Variants in MAST4 observed in about 807,000 individuals in gnomAD.
MAST4 encodes the protein microtubule-associated serine/threonine-protein kinase 4.
In MAST4, 89 loss-of-function variants were observed where a neutral mutation model predicts 162.7. The observed-to-expected ratio is 0.55, with a 90% CI of 0.46 to 0.65. MAST4 has a LOEUF of 0.65. MAST4 is among the 30% of genes least tolerant of loss of function. The pLI, the probability that MAST4 is intolerant of heterozygous loss-of-function variation, is 0.00. For missense variants in MAST4, 3,153 were observed against 3,374.0 expected (o/e 0.93, Z 1.62); for synonymous variants, 1,479 against 1,361.1 (o/e 1.09, Z -1.91).
chr5:67,166,366 G>A lies in MAST4; in HGVS notation c.7187G>A (p.Ser2396Asn), dbSNP rs1773971378. ...KLEAGLSFVH[S>N]ENRLKGAERP... ...GAGGCCGGCCTTTCCTTTGTGCATA[G>A]CGAGAACCGGTTGAAAGGCGCGGAG... The change falls in exon 29 of 29, where the codon AGC (serine) becomes AAC (asparagine). Residue 2396 changes from serine (S) to asparagine (N), a missense_variant. Transcript: ENST00000403625. 6.2e-7 allele frequency: 1 copy of A among 1,611,244 alleles called. No homozygotes were observed. The highest frequency in any genetic ancestry group is 8.5e-7 in the Non-Finnish European group (1 of 1,178,676).
At chr5:66,628,892 C>T (rs894638940) in intron 1 of MAST4, among the ~76,000 whole-genome samples, 1 of 152,116 alleles carries the variant, frequency 6.6e-6, no homozygotes, top group African/African-American at 2.4e-5. Flanking sequence ...GAATAGTGAA[C>T]ATACAGTGTC....
intron 4 of MAST4, among the ~76,000 whole-genome samples, chr5:66,918,308 G>A (rs1003432750): frequency 6.6e-6 from 1 of 152,126 alleles, no homozygotes; most frequent in African/African-American, 2.4e-5. Context: ...TTGTAAATAT[G>A]ATGTGAACAA....
intron 1 of MAST4, among the ~76,000 whole-genome samples, chr5:66,715,526 G>A (rs188038001): frequency 7.6e-6 from 1 of 132,162 alleles, no homozygotes; most frequent in Admixed American, 7.8e-5. Flanking sequence ...GTTGTGGGGT[G>A]GGGGGAGGGG....
At position 67,102,565 on chromosome 5, in the gene MAST4, A is replaced by G. The variant is rs575099215; in HGVS notation, c.1100A>G (p.His367Arg). The change falls in exon 9 of 29, where the codon CAT (histidine) becomes CGT (arginine). Residue 367 changes from histidine (H) to arginine (R), a missense_variant. Transcript: ENST00000403625. ...GGACGTTCTCCCGCCTGCTGTGACC[A>G]TGAAATAATTATGATGAACCATGTC... ...SPGRSPACCDHEIIMMNHVYK... is the reference protein window; with the variant it reads ...SPGRSPACCDREIIMMNHVYK... The G allele has an allele frequency of 5.0e-6, 8 of 1,614,020 alleles. No homozygotes were observed. Among genetic ancestry groups the G allele is most frequent in the Admixed American group, 1.7e-5 (1 of 60,028 alleles).
rs1416042748 is a variant in MAST4 at position 67,167,344 on chromosome 5, T to G, written c.*293T>G. ...AGGAAAATGATTTTCTTTGTAAATA[T>G]ATAGCATCGTGTTTGGTTTGGGATG... On this transcript the variant is annotated 3_prime_UTR_variant, in exon 29 of 29. Coordinates refer to ENST00000403625, the MANE Select transcript of MAST4 (RefSeq NM_001164664.2). 3.8e-6 allele frequency: 1 copy of G among 265,510 alleles called. No homozygotes were observed. The highest frequency in any genetic ancestry group is 5.3e-5 in the Admixed American group (1 of 18,938). 16.4% of individuals were successfully genotyped at this position (265,510 alleles called of 1,614,324 possible). A position where few individuals can be genotyped will look rare whatever the true frequency, so the allele number is the denominator to read the frequency against.
intron 18 of MAST4, among the ~76,000 whole-genome samples, chr5:67,135,919 T>G (rs1361185059): frequency 1.3e-5 from 2 of 152,240 alleles, no homozygotes; most frequent in Admixed American, 6.5e-5. Flanking sequence ...GCAAACTCCT[T>G]CAGAATGAGA....
chr5:66,901,806 A>G (rs1212354733), intron 4 of MAST4, among the ~76,000 whole-genome samples: 2 of 151,208 alleles, frequency 1.3e-5, no homozygotes, highest in Admixed American at 6.6e-5. Context: ...CAGAGAATTA[A>G]TGATGCCTCA....
intron 4 of MAST4, among the ~76,000 whole-genome samples, chr5:67,000,565 G>T (rs919694209): frequency 6.6e-6 from 1 of 152,100 alleles, no homozygotes; most frequent in Non-Finnish European, 1.5e-5. Context: ...GCCTAACATG[G>T]TGAAACCCCG....
intron 3 of MAST4, among the ~76,000 whole-genome samples, chr5:66,821,067 A>G (rs368021092): frequency 6.6e-6 from 1 of 152,230 alleles, no homozygotes; most frequent in Non-Finnish European, 1.5e-5. Context: ...TTTCATAGGC[A>G]TATGCTTGCT....
chr5:66,881,411 A>T (rs572450125), intron 3 of MAST4, among the ~76,000 whole-genome samples: 5 of 152,342 alleles, frequency 3.3e-5, no homozygotes, highest in African/African-American at 1.2e-4. Flanking sequence ...GACCAAAAAC[A>T]TCTGAGAGGA....
intron 3 of MAST4, chr5:66,870,684 C>A (rs1760865486): frequency 4.6e-6 from 2 of 439,526 alleles, no homozygotes; most frequent in African/African-American, 2.0e-5. Flanking sequence ...TAAACACTGT[C>A]CCTCTCCCTT....
At chr5:66,879,125 A>G (rs1761504810) in intron 3 of MAST4, among the ~76,000 whole-genome samples, 1 of 152,012 alleles carries the variant, frequency 6.6e-6, no homozygotes, top group Non-Finnish European at 1.5e-5. Context: ...TAAAAATACA[A>G]AAAATTAGCT....
At chr5:67,013,637 A>G (rs887062095) in intron 4 of MAST4, among the ~76,000 whole-genome samples, 1 of 152,254 alleles carries the variant, frequency 6.6e-6, no homozygotes, top group Admixed American at 6.5e-5. Flanking sequence ...AATCTGTAGA[A>G]AATCACTGGA....
chr5:66,847,210 A>C (rs751040075), intron 3 of MAST4, among the ~76,000 whole-genome samples: 1 of 152,090 alleles, frequency 6.6e-6, no homozygotes. Context: ...ATCTGTCTTA[A>C]TTCTGTCCCA....
chr5:67,050,394 A>C (rs1006088560), intron 4 of MAST4, among the ~76,000 whole-genome samples: 1 of 152,138 alleles, frequency 6.6e-6, no homozygotes, highest in Non-Finnish European at 1.5e-5. Flanking sequence ...CAGCTGTGAC[A>C]TTCTTACACG....
intron 4 of MAST4, among the ~76,000 whole-genome samples, chr5:66,950,066 C>T (rs981458288): frequency 1.3e-5 from 2 of 152,038 alleles, no homozygotes; most frequent in African/African-American, 2.4e-5. Flanking sequence ...TGATTCTTGC[C>T]TTAGAACTCC....
At chr5:66,885,677 C>CCTGAT (rs1314723808) in intron 3 of MAST4, among the ~76,000 whole-genome samples, 1 of 152,144 alleles carries the variant, frequency 6.6e-6, no homozygotes, top group Non-Finnish European at 1.5e-5. Flanking sequence ...CATTTAAAAG[C>CCTGAT]ACCTGAGAGT....
At chr5:66,989,685 A>T (rs1433954031) in intron 4 of MAST4, among the ~76,000 whole-genome samples, 2 of 152,234 alleles carry the variant, frequency 1.3e-5, no homozygotes, top group African/African-American at 4.8e-5. Context: ...ATTTTCAATA[A>T]ACAACACAGT....
At position 67,024,325 on chromosome 5, in the gene MAST4, C is replaced by CTA. The variant is rs200083679; in HGVS notation, c.675-30068_675-30067dup. On this transcript the variant is annotated intron_variant, in intron 4 of 28. Transcript: ENST00000403625. ...AAACAAGGAAGATATATATATATAT[C>CTA]TATATATATATACACACACACACAC... 1.2e-3 allele frequency among the ~76,000 whole-genome samples: 173 copies of CTA among 142,586 alleles called. 1 individual carries two copies. The highest frequency in any genetic ancestry group is 4.2e-3 in the African/African-American group (154 of 36,462). 93.5% of individuals were successfully genotyped at this position (142,586 alleles called of 152,430 possible). A position where few individuals can be genotyped will look rare whatever the true frequency, so the allele number is the denominator to read the frequency against.
Sources: allele counts gnomAD v4.1 joint callset (sites outside exome capture counted in the v4.1 genomes callset), GRCh38; gene constraint gnomAD v4.1.1; transcripts MANE v1.5; gene names NCBI Gene and HGNC (gene_info 2026-07-23, HGNC 2026-07-21).